The following FAM135B variants were observed in gnomAD, a reference collection of about 807,000 sequenced individuals.
FAM135B encodes the protein family with sequence similarity 135 member B.
FAM135B carries 43 observed loss-of-function variants against 127.7 expected under a neutral mutation model. The observed-to-expected ratio is 0.34, with a 90% confidence interval of 0.26 to 0.43. The LOEUF (loss-of-function observed/expected upper bound fraction) is 0.43. Ranked by LOEUF, FAM135B falls within the 20% of genes least tolerant of loss-of-function variation. The probability of loss-of-function intolerance (pLI) is 1.00; values close to 1 mark genes in which losing one functional copy is unlikely to be tolerated. For missense variants in FAM135B, 1,558 were observed against 1,725.6 expected, an observed-to-expected ratio of 0.90 and a Z score of 1.72; for synonymous variants, 670 against 665.1, an observed-to-expected ratio of 1.01 and a Z score of -0.11.
chr8:138,197,874 C>A (rs1816788368), intron 7 of FAM135B, among the ~76,000 whole-genome samples: 1 of 152,186 alleles, frequency 6.6e-6, no homozygotes, highest in Non-Finnish European at 1.5e-5. Context: ...GCTTCTTTAT[C>A]CCTCCAGGCA....
intron 1 of FAM135B, among the ~76,000 whole-genome samples, chr8:138,470,958 C>T (rs1005351802): frequency 6.6e-6 from 1 of 152,182 alleles, no homozygotes; most frequent in Non-Finnish European, 1.5e-5. Context: ...TTAAACATTC[C>T]CTGAAATACA....
chr8:138,200,280 C>T (rs1315555805), intron 7 of FAM135B, among the ~76,000 whole-genome samples: 3 of 152,200 alleles, frequency 2.0e-5, no homozygotes, highest in Non-Finnish European at 4.4e-5. Context: ...CAACCAACTG[C>T]CCTGTCTGTG....
chr8:138,232,301 T>C (rs1819963347), intron 7 of FAM135B, among the ~76,000 whole-genome samples: 1 of 152,210 alleles, frequency 6.6e-6, no homozygotes, highest in African/African-American at 2.4e-5. Flanking sequence ...ATTGTCACCA[T>C]GTGACATCTC....
At chr8:138,239,303 A>G (rs1820538889) in intron 7 of FAM135B, among the ~76,000 whole-genome samples, 1 of 152,126 alleles carries the variant, frequency 6.6e-6, no homozygotes, top group Non-Finnish European at 1.5e-5. Context: ...CATTTCTCTG[A>G]TGGCCAGTGA....
chr8:138,264,462 C>G (rs1352268293), intron 4 of FAM135B, among the ~76,000 whole-genome samples: 1 of 152,184 alleles, frequency 6.6e-6, no homozygotes, highest in Non-Finnish European at 1.5e-5. Flanking sequence ...AACTCCTATA[C>G]TCTTATCTCC....
rs1488010667 is a variant in FAM135B at position 138,241,581 on chromosome 8, C to A, written c.669+1361G>T. On this transcript the variant is annotated intron_variant, in intron 7 of 19. Transcript: ENST00000395297. The surrounding 1 kb of genome is among the most constrained non-coding windows in gnomAD (Gnocchi z 4.8). The stretch of plus-strand genomic sequence containing the variant: ...AAAGATAACATCACAGGAGAGCCAG[C>A]TGAGTGCATTACCTAATATTCTGAA... Among the ~76,000 whole-genome samples, 5 of 152,180 alleles carry A rather than the reference C, an allele frequency of 3.3e-5. No homozygotes were observed. Among genetic ancestry groups the A allele is most frequent in the African/African-American group, 1.2e-4 (5 of 41,452 alleles).
At position 138,319,058 on chromosome 8, in the gene FAM135B, T is replaced by C. The variant is rs552038033; in HGVS notation, c.78-8138A>G. On this transcript the variant is annotated intron_variant, in intron 2 of 19. Transcript: ENST00000395297. ...ATTTAGTGATAAAGATTTGTGCAAG[T>C]TCACAGACTCAGTAAGTAAATCTAC... Among the ~76,000 whole-genome samples, 19 of 150,288 alleles carry C rather than the reference T, an allele frequency of 1.3e-4. No individual in the cohort carries two copies. In the Admixed American group the frequency reaches 1.3e-3, roughly 10 times the overall value.
intron 1 of FAM135B, among the ~76,000 whole-genome samples, chr8:138,392,133 A>G (rs1340193386): frequency 1.3e-5 from 2 of 152,226 alleles, no homozygotes; most frequent in Non-Finnish European, 2.9e-5. Flanking sequence ...AACGTCTGGA[A>G]TGTAACCATC....
chr8:138,274,322 C>T (rs1441089141), intron 3 of FAM135B, among the ~76,000 whole-genome samples: 2 of 152,156 alleles, frequency 1.3e-5, no homozygotes, highest in African/African-American at 2.4e-5. Flanking sequence ...TTCCGTGATG[C>T]CCCACAAGTG....
chr8:138,446,962 A>G (rs949247640), intron 1 of FAM135B, among the ~76,000 whole-genome samples: 2 of 152,218 alleles, frequency 1.3e-5, no homozygotes, highest in African/African-American at 2.4e-5. Context: ...TTTAAAGAAA[A>G]AAACAAACAA....
In FAM135B at chr8:138,464,046, G is replaced by A. The variant is rs540551412; in HGVS notation, c.-20+32625C>T. Among the ~76,000 whole-genome samples, 18 of 152,300 alleles carry A rather than the reference G, an allele frequency of 1.2e-4. 1 individual carries two copies. The highest frequency in any genetic ancestry group is 4.1e-4 in the South Asian group (2 of 4,820). ...AGAAAAGGAGAATGAGGCTGAGCACGTAAATGTCCGTATTCACTCATTCCT... is the reference window on the plus strand; with the variant it reads ...AGAAAAGGAGAATGAGGCTGAGCACATAAATGTCCGTATTCACTCATTCCT... On this transcript the variant is annotated intron_variant, in intron 1 of 19. Transcript: ENST00000395297.
intron 6 of FAM135B, among the ~76,000 whole-genome samples, chr8:138,244,146 G>T (rs1821096861): frequency 6.6e-6 from 1 of 152,162 alleles, no homozygotes; most frequent in Admixed American, 6.6e-5. Flanking sequence ...CCATATGCCA[G>T]GCAGTGGGTT....
chr8:138,369,037 C>T (rs544179279), intron 1 of FAM135B, among the ~76,000 whole-genome samples: 6 of 152,290 alleles, frequency 3.9e-5, no homozygotes, highest in Admixed American at 2.0e-4. Flanking sequence ...CACTTTCTAA[C>T]TCTGGAATGT....
At chr8:138,150,336 A>G (rs1818016310) in intron 13 of FAM135B, among the ~76,000 whole-genome samples, 1 of 152,230 alleles carries the variant, frequency 6.6e-6, no homozygotes, top group Admixed American at 6.5e-5. Context: ...GTAGAGGTAC[A>G]ATGATATTCA....
intron 2 of FAM135B, among the ~76,000 whole-genome samples, chr8:138,331,297 C>A (rs1210893822): frequency 6.6e-6 from 1 of 152,146 alleles, no homozygotes; most frequent in African/African-American, 2.4e-5. Context: ...ATTCAAGTTG[C>A]TAATCAAAGG....
Position 138,212,025 on chromosome 8 carries a change from G to A in FAM135B, c.670-14356C>T, listed in dbSNP as rs139725587. The stretch of plus-strand genomic sequence containing the variant: ...GGAGGTTGCAGTGAGCTGAGATGGA[G>A]CCACTGCACTCCACCCTTGGTGACA... On this transcript the variant is annotated intron_variant, in intron 7 of 19. Transcript: ENST00000395297. 9.5e-3 allele frequency among the ~76,000 whole-genome samples: 1,439 copies of A among 152,264 alleles called. 10 individuals are homozygous for A. Among genetic ancestry groups the A allele is most frequent in the South Asian group, 0.027 (131 of 4,822 alleles).
At chr8:138,401,998 C>T (rs1026176548) in intron 1 of FAM135B, among the ~76,000 whole-genome samples, 1 of 151,990 alleles carries the variant, frequency 6.6e-6, no homozygotes, top group African/African-American at 2.4e-5. Context: ...GTATGCCTGT[C>T]CCTGGTGTGT....
chr8:138,497,082 T>C lies in FAM135B; in HGVS notation c.-431A>G, dbSNP rs1193292259. ...ACCGGCTGCGCCCGCGCCGCTGGGCTGGCGCCTCCCGGGCTGCGCTCACCT... is the reference window on the plus strand; with the variant it reads ...ACCGGCTGCGCCCGCGCCGCTGGGCCGGCGCCTCCCGGGCTGCGCTCACCT... On this transcript the variant is annotated 5_prime_UTR_variant, in exon 1 of 20. Coordinates refer to ENST00000395297, the MANE Select transcript of FAM135B (RefSeq NM_015912.4). 6.6e-6 allele frequency among the ~76,000 whole-genome samples: 1 copy of C among 151,644 alleles called. No homozygotes were observed. The highest frequency in any genetic ancestry group is 2.4e-5 in the African/African-American group (1 of 41,352).
At chr8:138,492,519 C>T (rs1057481808) in intron 1 of FAM135B, among the ~76,000 whole-genome samples, 1 of 152,064 alleles carries the variant, frequency 6.6e-6, no homozygotes, top group African/African-American at 2.4e-5. Flanking sequence ...CAGGTCTAGA[C>T]CTTTCTGTGA....
Sources: gnomAD v4.1 joint callset for allele counts (sites outside exome capture counted in the v4.1 genomes callset) on GRCh38, gnomAD v4.1.1 for gene constraint, Gnocchi (gnomAD v3.1) non-coding constraint, MANE v1.5 for transcripts, NCBI Gene and HGNC (gene_info 2026-07-23, HGNC 2026-07-21) for gene names.